Variants in COL14A1 observed in about 807,000 individuals in gnomAD.
COL14A1 encodes collagen alpha-1(XIV) chain.
A neutral mutation model predicts 230.3 loss-of-function variants in COL14A1; 136 were observed. That is an observed-to-expected ratio of 0.59 (90% CI 0.51 to 0.68). The LOEUF (loss-of-function observed/expected upper bound fraction) is 0.68. Ranked by LOEUF, COL14A1 falls within the 30% of genes least tolerant of loss-of-function variation. The probability of loss-of-function intolerance (pLI) is 0.00; values close to 1 mark genes in which losing one functional copy is unlikely to be tolerated. For synonymous variants in COL14A1, 792 were observed against 784.1 expected, an observed-to-expected ratio of 1.01 and a Z score of -0.17; for missense variants, 1,976 against 2,215.8, an observed-to-expected ratio of 0.89 and a Z score of 2.17.
intron 33 of COL14A1, among the ~76,000 whole-genome samples, chr8:120,286,382 A>G (rs1231445208): frequency 1.4e-4 from 22 of 152,192 alleles, no homozygotes; most frequent in Admixed American, 1.4e-3. Flanking sequence ...AGATAGGGAT[A>G]ACTGATTGCA....
intron 45 of COL14A1, among the ~76,000 whole-genome samples, chr8:120,355,855 G>A (rs1822966093): frequency 6.6e-6 from 1 of 152,192 alleles, no homozygotes; most frequent in African/African-American, 2.4e-5. Flanking sequence ...TGGACAGCTG[G>A]AATTTATATC....
chr8:120,365,339 G>T (rs1051743178), intron 45 of COL14A1, among the ~76,000 whole-genome samples: 1 of 152,154 alleles, frequency 6.6e-6, no homozygotes, highest in East Asian at 1.9e-4. Flanking sequence ...GAGTCACCAC[G>T]CTCTTAATCA....
At chr8:120,170,525 T>C (rs1340983597) in intron 5 of COL14A1, among the ~76,000 whole-genome samples, 2 of 152,046 alleles carry the variant, frequency 1.3e-5, no homozygotes, top group African/African-American at 4.8e-5. Flanking sequence ...AGGAATATTC[T>C]TTGAAATTTG....
intron 45 of COL14A1, among the ~76,000 whole-genome samples, chr8:120,355,505 C>T (rs1338476696): frequency 2.0e-5 from 3 of 151,620 alleles, no homozygotes; most frequent in Non-Finnish European, 2.9e-5. Flanking sequence ...CTCCGCCCCC[C>T]GGGTTCAAGC....
intron 19 of COL14A1, among the ~76,000 whole-genome samples, chr8:120,232,344 G>A (rs1262849866): frequency 6.6e-6 from 1 of 151,808 alleles, no homozygotes; most frequent in Non-Finnish European, 1.5e-5. Flanking sequence ...AGGTATACAT[G>A]GACCATGGTA....
At chr8:120,269,133 C>A (rs1261005831) in intron 25 of COL14A1, among the ~76,000 whole-genome samples, 1 of 151,694 alleles carries the variant, frequency 6.6e-6, no homozygotes, top group Non-Finnish European at 1.5e-5. Flanking sequence ...GGCACATTAT[C>A]TCATAGAATA....
At position 120,347,060 on chromosome 8, in the gene COL14A1, A is replaced by G. The variant is rs77561496; in HGVS notation, c.5077+1497A>G. Among the ~76,000 whole-genome samples, 525 of 152,250 alleles carry G rather than the reference A, an allele frequency of 3.4e-3. 4 individuals are homozygous for G. The highest frequency in any genetic ancestry group is 0.012 in the African/African-American group (493 of 41,560). On this transcript the variant is annotated intron_variant, in intron 45 of 47. Coordinates refer to ENST00000297848, the MANE Select transcript of COL14A1 (RefSeq NM_021110.4). ...AGCAGGGCATCCTCTGCTGCTGTCA[A>G]TAATGGAGAAACTGTGACTCAGTGA...
chr8:120,229,498 ATC>A (rs1818201057), intron 18 of COL14A1, among the ~76,000 whole-genome samples: 2 of 152,036 alleles, frequency 1.3e-5, no homozygotes, highest in African/African-American at 4.8e-5. Flanking sequence ...CATTTTCTTA[ATC>A]CAGTCTATCA....
rs189214779 is a variant in COL14A1, at chr8:120,251,419, C to G, written c.2752+653C>G. On this transcript the variant is annotated intron_variant, in intron 22 of 47. Coordinates refer to ENST00000297848, the MANE Select transcript of COL14A1 (RefSeq NM_021110.4). ...TTTCTCAGAGGGGTCACTCCACCCC[C>G]TTGCACGTGCACATATGCCATCCAT... Among the ~76,000 whole-genome samples the G allele has an allele frequency of 2.2e-4, 33 of 152,284 alleles. 1 individual carries two copies. Among genetic ancestry groups the G allele is most frequent in the Non-Finnish European group, 3.2e-4 (22 of 68,006 alleles).
chr8:120,140,961 A>G (rs1009665907), intron 1 of COL14A1, among the ~76,000 whole-genome samples: 4 of 152,222 alleles, frequency 2.6e-5, no homozygotes, highest in Non-Finnish European at 4.4e-5. Context: ...TACCTTCCGA[A>G]TAGAGAACTA....
intron 5 of COL14A1, among the ~76,000 whole-genome samples, chr8:120,190,164 C>A (rs201611210): frequency 0.018 from 2,792 of 151,756 alleles, 70 homozygotes; most frequent in African/African-American, 0.062. Flanking sequence ...CTGACTTTTT[C>A]ATGATTGCCA....
intron 19 of COL14A1, among the ~76,000 whole-genome samples, chr8:120,233,952 A>G (rs1415818302): frequency 6.6e-6 from 1 of 152,240 alleles, no homozygotes; most frequent in Non-Finnish European, 1.5e-5. Flanking sequence ...ATCCATGAGC[A>G]TGAAATATTT....
At chr8:120,293,888 T>G (rs1302708911) in intron 34 of COL14A1, among the ~76,000 whole-genome samples, 2 of 151,880 alleles carry the variant, frequency 1.3e-5, no homozygotes, top group Non-Finnish European at 2.9e-5. Context: ...ATTTTCTAAT[T>G]TAATCAGTGC....
At position 120,310,121 on chromosome 8, in the gene COL14A1, C is replaced by T; in HGVS notation, c.4455+59C>T. ...ATCTCTCTCTCTCTCTCATAAATAG[C>T]CATCATTTTGGAGCTAAATGTGACT... On this transcript the variant is annotated intron_variant, in intron 37 of 47. Transcript: ENST00000297848. 1.9e-6 allele frequency: 3 copies of T among 1,552,422 alleles called. No individual in the cohort carries two copies. In the South Asian group the frequency reaches 3.5e-5, roughly 18 times the overall value.
At chr8:120,294,072 A>G (rs998743022) in intron 34 of COL14A1, among the ~76,000 whole-genome samples, 8 of 151,830 alleles carry the variant, frequency 5.3e-5, no homozygotes, top group African/African-American at 1.7e-4. Flanking sequence ...TTTCACCAGT[A>G]TTCTTGTGCA....
Position 120,206,942 on chromosome 8 carries a change from G to A in COL14A1, c.1040-1G>A, listed in dbSNP as rs1167013033. 1.2e-6 allele frequency: 2 copies of A among 1,600,674 alleles called. No individual in the cohort carries two copies. Among genetic ancestry groups the A allele is most frequent in the Non-Finnish European group, 1.7e-6 (2 of 1,176,112 alleles). ...TTATTTGATATGTTTTTTTAATTTA[G>A]CCTCAGCCCATGCCATCACTGGGCC... On this transcript the variant is annotated splice_acceptor_variant, in intron 9 of 47. Coordinates refer to ENST00000297848, the MANE Select transcript of COL14A1 (RefSeq NM_021110.4). LOFTEE classifies it high-confidence loss of function.
chr8:120,288,699 A>G (rs1442397425), intron 33 of COL14A1, among the ~76,000 whole-genome samples: 2 of 152,190 alleles, frequency 1.3e-5, no homozygotes. Context: ...GTATTGACCA[A>G]CATGGTTTTT....
chr8:120,181,007 C>T (rs1323925599), intron 5 of COL14A1, among the ~76,000 whole-genome samples: 2 of 152,100 alleles, frequency 1.3e-5, no homozygotes, highest in East Asian at 3.9e-4. Context: ...GCATGGTGGG[C>T]TATGAAGCCT....
Position 120,349,333 on chromosome 8 carries a change from C to G in COL14A1, c.5077+3770C>G, listed in dbSNP as rs1047009996. ...AAGCTCTGAAAATCAGAGTGCCTCT[C>G]CTCCTCCAAGGGAACGCAGCTCCTC... On this transcript the variant is annotated intron_variant, in intron 45 of 47. Transcript: ENST00000297848. 3.3e-5 allele frequency among the ~76,000 whole-genome samples: 5 copies of G among 150,550 alleles called. No homozygotes were observed. The East Asian group carries it at 9.7e-4, about 29-fold the overall frequency.
Sources: allele counts gnomAD v4.1 joint callset (sites outside exome capture counted in the v4.1 genomes callset), GRCh38; gene constraint gnomAD v4.1.1; transcripts MANE v1.5; gene names NCBI Gene and HGNC (gene_info 2026-07-23, HGNC 2026-07-21).